The following CDH4 variants were observed in gnomAD, a reference collection of about 807,000 sequenced individuals.
CDH4 encodes cadherin-4.
In CDH4, 33 loss-of-function variants were observed where a neutral mutation model predicts 86.0. The ratio of observed to expected loss-of-function variants is 0.38; its 90% CI spans 0.29 to 0.51. The LOEUF is 0.51. Among genes scored for constraint, CDH4 ranks in the 20% least tolerant of loss-of-function variants. The pLI is 0.86. For missense variants in CDH4, 1,114 were observed against 1,307.4 expected, an observed-to-expected ratio of 0.85 and a Z score of 2.28; for synonymous variants, 555 against 549.4, an observed-to-expected ratio of 1.01 and a Z score of -0.14.
chr20:61,763,238 A>T (rs1039685313), intron 3 of CDH4, among the ~76,000 whole-genome samples: 2 of 152,116 alleles, frequency 1.3e-5, no homozygotes, highest in Non-Finnish European at 2.9e-5. Context: ...AATGACTTCG[A>T]CTAGGACAAG....
chr20:61,932,976 C>A lies in CDH4; in HGVS notation c.2240-9C>A, dbSNP rs750741103. 6.2e-7 allele frequency: 1 copy of A among 1,610,276 alleles called. No homozygotes were observed. The highest frequency in any genetic ancestry group is 1.7e-5 in the Admixed American group (1 of 59,980). On this transcript the variant is annotated splice_polypyrimidine_tract_variant and intron_variant, in intron 13 of 15. Transcript: ENST00000614565. ...GCACACCCTGCTCACGGGCAGCCCT[C>A]CCCCACAGCCATGGTCCTGCTGTTT...
At chr20:61,410,950 A>G (rs955395982) in intron 2 of CDH4, among the ~76,000 whole-genome samples, 3 of 151,472 alleles carry the variant, frequency 2.0e-5, no homozygotes, top group Non-Finnish European at 4.4e-5. Context: ...TCATCCACCC[A>G]CACATCCATC....
At position 61,937,079 on chromosome 20, in the gene CDH4, G is replaced by A. The variant is rs967416124; in HGVS notation, c.*136G>A. ...TGTTAGGAGGCCCCCCAATCCCCAC[G>A]TTGAGCTGTCTAGCATGAGCACCCA... is the stretch of plus-strand genomic sequence containing the variant. On this transcript the variant is annotated 3_prime_UTR_variant, in exon 16 of 16. Transcript: ENST00000614565. 6.1e-5 allele frequency: 41 copies of A among 670,040 alleles called. No individual in the cohort carries two copies. Among genetic ancestry groups the A allele is most frequent in the Non-Finnish European group, 7.9e-5 (34 of 431,428 alleles). 41.5% of individuals were successfully genotyped at this position (670,040 alleles called of 1,614,324 possible).
At chr20:61,642,475 C>T (rs1334608261) in intron 2 of CDH4, among the ~76,000 whole-genome samples, 2 of 152,160 alleles carry the variant, frequency 1.3e-5, no homozygotes, top group African/African-American at 4.8e-5. Flanking sequence ...AAGATGAGAA[C>T]AGAGAGGTGG....
intron 2 of CDH4, among the ~76,000 whole-genome samples, chr20:61,314,960 ATTTT>A (rs1157145575): frequency 1.3e-5 from 2 of 152,082 alleles, no homozygotes; most frequent in African/African-American, 4.8e-5. Context: ...TCCTCTGCTA[ATTTT>A]TTTATTACAT....
At chr20:61,711,750 A>G (rs1036697419) in intron 2 of CDH4, among the ~76,000 whole-genome samples, 1 of 152,200 alleles carries the variant, frequency 6.6e-6, no homozygotes, top group Admixed American at 6.5e-5. Flanking sequence ...GAAGTGAACC[A>G]TCACCTACTG....
intron 2 of CDH4, among the ~76,000 whole-genome samples, chr20:61,632,275 T>C (rs1408512271): frequency 6.6e-6 from 1 of 152,066 alleles, no homozygotes; most frequent in African/African-American, 2.4e-5. Context: ...AAAACAGAAA[T>C]TCAGTTGGAG....
At chr20:61,890,771 A>G (rs1476390281) in intron 7 of CDH4, among the ~76,000 whole-genome samples, 1 of 152,104 alleles carries the variant, frequency 6.6e-6, no homozygotes, top group Non-Finnish European at 1.5e-5. Context: ...AGTTCTATTC[A>G]TCTTGGTAAA....
intron 2 of CDH4, among the ~76,000 whole-genome samples, chr20:61,326,569 A>C (rs1215017414): frequency 6.6e-6 from 1 of 152,206 alleles, no homozygotes; most frequent in African/African-American, 2.4e-5. Context: ...CCTTAAAATT[A>C]CACTGTATGG....
chr20:61,354,058 G>C (rs373572513), intron 2 of CDH4, among the ~76,000 whole-genome samples: 1 of 152,002 alleles, frequency 6.6e-6, no homozygotes, highest in Non-Finnish European at 1.5e-5. Flanking sequence ...GGTTTTCAAC[G>C]AGGGGTGATT....
intron 2 of CDH4, among the ~76,000 whole-genome samples, chr20:61,464,988 C>T (rs2085464697): frequency 6.6e-6 from 1 of 152,198 alleles, no homozygotes; most frequent in South Asian, 2.1e-4. Flanking sequence ...AAATTTGGAT[C>T]TTTTATTAAG....
At chr20:61,719,978 C>G (rs1267680278) in intron 2 of CDH4, among the ~76,000 whole-genome samples, 2 of 152,182 alleles carry the variant, frequency 1.3e-5, no homozygotes, top group African/African-American at 4.8e-5. Flanking sequence ...ACCGCAGTTA[C>G]CACTTTGCAC....
At chr20:61,919,054 A>T (rs909426092) in intron 9 of CDH4, among the ~76,000 whole-genome samples, 4 of 152,134 alleles carry the variant, frequency 2.6e-5, no homozygotes, top group African/African-American at 9.7e-5. Context: ...TTTGTTTTGT[A>T]GAGACAGCAT....
At chr20:61,611,457 A>G (rs900144932) in intron 2 of CDH4, among the ~76,000 whole-genome samples, 10 of 152,044 alleles carry the variant, frequency 6.6e-5, no homozygotes, top group African/African-American at 2.4e-4. Context: ...TGGTGATCCC[A>G]GATTGCTGAG....
At chr20:61,898,984 C>G (rs78193752) in intron 8 of CDH4, among the ~76,000 whole-genome samples, 3,324 of 152,220 alleles carry the variant, frequency 0.022, 117 homozygotes, top group African/African-American at 0.074. Context: ...CTTCTCAGCC[C>G]AGTTTCCCCA....
chr20:61,827,190 C>T (rs1350456494), intron 4 of CDH4, among the ~76,000 whole-genome samples: 8 of 151,954 alleles, frequency 5.3e-5, no homozygotes, highest in African/African-American at 1.7e-4. Flanking sequence ...ACAAAGCAAG[C>T]CCTGAAAATC....
chr20:61,710,170 C>A (rs1296439744), intron 2 of CDH4, among the ~76,000 whole-genome samples: 1 of 152,172 alleles, frequency 6.6e-6, no homozygotes, highest in African/African-American at 2.4e-5. Flanking sequence ...AGCCTCAACT[C>A]GGTGTTTTTT....
intron 2 of CDH4, among the ~76,000 whole-genome samples, chr20:61,542,545 T>C (rs2086048062): frequency 6.6e-6 from 1 of 152,206 alleles, no homozygotes; most frequent in Admixed American, 6.5e-5. Flanking sequence ...TTTTCCATGA[T>C]AATGAGAGCA....
intron 2 of CDH4, among the ~76,000 whole-genome samples, chr20:61,374,094 A>G (rs2084854152): frequency 6.6e-6 from 1 of 152,304 alleles, no homozygotes; most frequent in African/African-American, 2.4e-5. Context: ...GTTTTTAAAC[A>G]TCTATCAAGC....
Sources: allele counts gnomAD v4.1 joint callset (sites outside exome capture counted in the v4.1 genomes callset), GRCh38; gene constraint gnomAD v4.1.1; transcripts MANE v1.5; gene names NCBI Gene and HGNC (gene_info 2026-07-23, HGNC 2026-07-21).